Variants in GRID2 observed in about 807,000 individuals in gnomAD.
GRID2 encodes the protein glutamate receptor ionotropic, delta-2.
A neutral mutation model predicts 114.8 loss-of-function variants in GRID2; 33 were observed. The observed-to-expected ratio is 0.29, with a 90% confidence interval of 0.22 to 0.38. The LOEUF (loss-of-function observed/expected upper bound fraction) is 0.38. Ranked by LOEUF, GRID2 falls within the 10% of genes least tolerant of loss-of-function variation. The pLI is 1.00. For synonymous variants in GRID2, 505 were observed against 449.9 expected (o/e 1.12, Z -1.55); for missense variants, 1,184 against 1,257.7 (o/e 0.94, Z 0.89).
chr4:92,414,919 C>G (rs1731519410), intron 1 of GRID2, among the ~76,000 whole-genome samples: 4 of 152,084 alleles, frequency 2.6e-5, no homozygotes, highest in South Asian at 4.1e-4. Flanking sequence ...GGAAATTTGT[C>G]TCGCTTCATT....
intron 2 of GRID2, among the ~76,000 whole-genome samples, chr4:92,943,138 TCTC>T (rs1468790726): frequency 6.6e-6 from 1 of 152,216 alleles, no homozygotes; most frequent in African/African-American, 2.4e-5. Context: ...TTGAGGAAGT[TCTC>T]CTGGATAATA....
At chr4:92,769,269 G>A (rs1436029196) in intron 2 of GRID2, among the ~76,000 whole-genome samples, 2 of 152,182 alleles carry the variant, frequency 1.3e-5, no homozygotes, top group Admixed American at 6.5e-5. Flanking sequence ...TCCAGGTCAT[G>A]CTGATGCAAA....
Position 93,172,110 on chromosome 4 carries a change from CT to C in GRID2, c.736-35293del, listed in dbSNP as rs1738884601. Among the ~76,000 whole-genome samples the C allele has an allele frequency of 2.0e-5, 3 of 152,262 alleles. No individual in the cohort carries two copies. In the South Asian group the frequency reaches 6.2e-4, roughly 32 times the overall value. On this transcript the variant is annotated intron_variant, in intron 4 of 15. Transcript: ENST00000282020. ...TCAGGTCAATATATTTCATCTTCACCTACAAGTTTAAAAACATATACCACAA... is the reference window on the plus strand; with the variant it reads ...TCAGGTCAATATATTTCATCTTCACCACAAGTTTAAAAACATATACCACAA...
chr4:93,342,296 T>G (rs1759746902), intron 8 of GRID2, among the ~76,000 whole-genome samples: 1 of 152,136 alleles, frequency 6.6e-6, no homozygotes, highest in Non-Finnish European at 1.5e-5. Context: ...ATTTTTTTCT[T>G]CCCTCATATA....
intron 2 of GRID2, among the ~76,000 whole-genome samples, chr4:92,972,764 C>T (rs1753608586): frequency 6.6e-6 from 1 of 151,958 alleles, no homozygotes; most frequent in Admixed American, 6.6e-5. Context: ...TCCCACCTTC[C>T]ACCCTCTGAA....
At chr4:93,669,399 C>T (rs983398134) in intron 14 of GRID2, among the ~76,000 whole-genome samples, 3 of 151,834 alleles carry the variant, frequency 2.0e-5, no homozygotes, top group African/African-American at 7.3e-5. Flanking sequence ...ATGCACAGTA[C>T]AAAAATATAT....
At chr4:92,423,452 A>C (rs1326091469) in intron 1 of GRID2, among the ~76,000 whole-genome samples, 2 of 152,102 alleles carry the variant, frequency 1.3e-5, no homozygotes, top group Non-Finnish European at 2.9e-5. Flanking sequence ...TGAGGTGTAC[A>C]TTTTGTAGTT....
At chr4:93,016,611 A>T (rs909668137) in intron 2 of GRID2, among the ~76,000 whole-genome samples, 6 of 152,164 alleles carry the variant, frequency 3.9e-5, no homozygotes, top group Non-Finnish European at 8.8e-5. Context: ...TGGAATGTAG[A>T]GGTGTCCAAA....
At chr4:92,644,795 A>G (rs1731530422) in intron 2 of GRID2, among the ~76,000 whole-genome samples, 1 of 151,648 alleles carries the variant, frequency 6.6e-6, no homozygotes, top group Non-Finnish European at 1.5e-5. Context: ...TCTCAAATTT[A>G]TTAGAAGACA....
intron 1 of GRID2, among the ~76,000 whole-genome samples, chr4:92,435,543 A>G (rs1343891722): frequency 2.0e-5 from 3 of 152,330 alleles, no homozygotes; most frequent in East Asian, 1.9e-4. Flanking sequence ...CTGGAATACA[A>G]TAAACCAGAG....
At chr4:92,347,924 C>A (rs998634314) in intron 1 of GRID2, among the ~76,000 whole-genome samples, 4 of 152,086 alleles carry the variant, frequency 2.6e-5, no homozygotes, top group Non-Finnish European at 5.9e-5. Flanking sequence ...CTGAAAACAG[C>A]AGCAGCTTTA....
intron 2 of GRID2, among the ~76,000 whole-genome samples, chr4:92,896,117 C>G (rs1304058665): frequency 6.6e-6 from 1 of 152,114 alleles, no homozygotes; most frequent in Non-Finnish European, 1.5e-5. Context: ...TATAATTGTG[C>G]TGAGGTTTAT....
chr4:92,560,614 T>C (rs1432501905), intron 1 of GRID2, among the ~76,000 whole-genome samples: 1 of 145,558 alleles, frequency 6.9e-6, no homozygotes, highest in Non-Finnish European at 1.5e-5. Flanking sequence ...TAGATCCATT[T>C]ATCTGCCTGG....
intron 2 of GRID2, among the ~76,000 whole-genome samples, chr4:92,765,723 A>G (rs996198851): frequency 6.6e-6 from 1 of 152,194 alleles, no homozygotes. Flanking sequence ...TTTAGTAGTT[A>G]TGAAAGTATC....
rs1458258337 is a variant in GRID2 at position 92,489,545 on chromosome 4, AT to A, written c.89-100584del. Among the ~76,000 whole-genome samples, 402 of 152,248 alleles carry A rather than the reference AT, an allele frequency of 2.6e-3. 1 individual carries two copies. Among genetic ancestry groups the A allele is most frequent in the African/African-American group, 9.3e-3 (385 of 41,556 alleles). On this transcript the variant is annotated intron_variant, in intron 1 of 15. Transcript: ENST00000282020. ...ATGAAATGATTCATCTAATTTGTTC[AT>A]TATTGAAAGTAAATAAGGGCCGGGC...
At chr4:92,793,154 G>A (rs1560595219) in intron 2 of GRID2, among the ~76,000 whole-genome samples, 2 of 151,772 alleles carry the variant, frequency 1.3e-5, no homozygotes, top group African/African-American at 2.4e-5. Flanking sequence ...AGTTTTCTCC[G>A]TTTTGAATCT....
intron 2 of GRID2, among the ~76,000 whole-genome samples, chr4:92,913,999 GA>G (rs1250478407): frequency 6.6e-6 from 1 of 152,046 alleles, no homozygotes; most frequent in Non-Finnish European, 1.5e-5. Context: ...AACAGTGTTT[GA>G]AAAGCAGAAA....
chr4:93,253,846 T>G (rs1311587229), intron 8 of GRID2, among the ~76,000 whole-genome samples: 1 of 152,150 alleles, frequency 6.6e-6, no homozygotes, highest in African/African-American at 2.4e-5. Context: ...TCAATTATTA[T>G]GTTCATGACA....
intron 2 of GRID2, among the ~76,000 whole-genome samples, chr4:93,011,225 G>GT (rs1335599600): frequency 2.0e-5 from 3 of 150,424 alleles, no homozygotes; most frequent in Non-Finnish European, 4.4e-5. Context: ...TGCTGTCTGT[G>GT]TTTTTTCTTT....
Sources: gnomAD v4.1 joint callset for allele counts (sites outside exome capture counted in the v4.1 genomes callset) on GRCh38, gnomAD v4.1.1 for gene constraint, MANE v1.5 for transcripts, NCBI Gene and HGNC (gene_info 2026-07-23, HGNC 2026-07-21) for gene names.